The following GDPD3 variants were observed in gnomAD, a reference collection of about 807,000 sequenced individuals.
The protein encoded by GDPD3 is glycerophosphodiester phosphodiesterase domain containing 3, also known as lysophospholipase D GDPD3.
A neutral mutation model predicts 43.7 loss-of-function variants in GDPD3; 40 were observed. That is an observed-to-expected ratio of 0.91 (90% confidence interval 0.71 to 1.19). GDPD3 has a LOEUF of 1.19. Among genes scored for constraint, GDPD3 ranks in the 50% most tolerant of loss-of-function variants. The pLI, the probability that GDPD3 is intolerant of heterozygous loss-of-function variation, is 0.00. For missense variants in GDPD3, 363 were observed against 415.8 expected (o/e 0.87, Z 1.11); for synonymous variants, 145 against 162.9 (o/e 0.89, Z 0.84).
chr16:30,106,768 G>C (rs1204455270), intron 9 of GDPD3, among the ~76,000 whole-genome samples: 1 of 151,952 alleles, frequency 6.6e-6, no homozygotes, highest in Non-Finnish European at 1.5e-5. Context: ...GTGCAGTGGC[G>C]TGATCTCGGC....
intron 9 of GDPD3, among the ~76,000 whole-genome samples, chr16:30,106,016 CAGG>C (rs2072858514): frequency 1.3e-5 from 2 of 151,828 alleles, no homozygotes; most frequent in Admixed American, 1.3e-4. Context: ...AAGGCTGAGG[CAGG>C]AGAATCGCTT....
intron 7 of GDPD3, 163 bp from the exon 8 acceptor site, chr16:30,108,595 G>A: frequency 1.6e-6 from 1 of 643,406 alleles, no homozygotes; most frequent in Non-Finnish European, 2.8e-6. Flanking sequence ...TTCACCCATT[G>A]TTCAGAGAGC....
chr16:30,108,729 C>G (rs1190780462), intron 7 of GDPD3, among the ~76,000 whole-genome samples: 2 of 152,178 alleles, frequency 1.3e-5, no homozygotes, highest in African/African-American at 2.4e-5. Flanking sequence ...TGGGGCTGGG[C>G]CAGGGCCTCG....
At chr16:30,108,110 G>T in intron 9 of GDPD3, 103 bp downstream of exon 9, 1 of 941,620 alleles carries the variant, frequency 1.1e-6, no homozygotes, top group Admixed American at 2.7e-5. Context: ...AAGAAACTGA[G>T]GTGAGGTCAC....
Position 30,112,867 on chromosome 16 carries a change from G to T in GDPD3, c.183-74C>A, listed in dbSNP as rs1018784931. ...GGGGCATGGTGGCTGGGAGGTGGCCGGGAATGTGAGAGCGGAGTTCGTGGC... is the reference window on the plus strand; with the variant it reads ...GGGGCATGGTGGCTGGGAGGTGGCCTGGAATGTGAGAGCGGAGTTCGTGGC... On this transcript the variant is annotated intron_variant, in intron 2 of 9. Transcript: ENST00000406256. This position sits in a 1 kb window ranked among gnomAD's most constrained non-coding sequence, Gnocchi z 5.4. 4 of 1,556,858 alleles carry T rather than the reference G, an allele frequency of 2.6e-6. No individual in the cohort carries two copies. The highest frequency in any genetic ancestry group is 1.7e-5 in the Admixed American group (1 of 59,278).
At position 30,112,776 on chromosome 16, in the gene GDPD3, G is replaced by C. The variant is rs752449266; in HGVS notation, c.200C>G (p.Ser67Trp). ...EAMENSMAQR[S>W]DLLELDCQLT... is the part of the protein sequence containing the mutation. Reference sequence around the variant, plus strand: ...CTGACAGTCGAGCTCCAGGAGGTCCGAGCGCTGGGCCATGGAGCTGTGGGG... The same window carrying C: ...CTGACAGTCGAGCTCCAGGAGGTCCCAGCGCTGGGCCATGGAGCTGTGGGG... Residue 67 changes from serine to tryptophan, a missense_variant, in exon 3 of 10, where the codon TCG becomes TGG. Transcript: ENST00000406256. The surrounding 1 kb of genome is among the most constrained non-coding windows in gnomAD (Gnocchi z 5.4). The C allele has an allele frequency of 2.5e-6, 4 of 1,609,628 alleles. No individual in the cohort carries two copies. The highest frequency in any genetic ancestry group is 1.1e-5 in the South Asian group (1 of 91,074).
At chr16:30,111,763 T>C (rs2072901329) in intron 6 of GDPD3, 1 of 539,674 alleles carries the variant, frequency 1.9e-6, no homozygotes, top group African/African-American at 1.9e-5. Context: ...TAAAACCCCA[T>C]CTCTACTAAA....
intron 9 of GDPD3, chr16:30,107,610 A>G (rs2072869044): frequency 6.6e-6 from 1 of 152,112 alleles, no homozygotes; most frequent in Non-Finnish European, 1.5e-5. Flanking sequence ...ATGATACATC[A>G]TTGTTGTCAT....
In GDPD3 at chr16:30,112,235, AAGG is replaced by A. The variant is rs1567351740; in HGVS notation, c.484-17_484-15del. 1.2e-6 allele frequency: 2 copies of A among 1,613,364 alleles called. No homozygotes were observed. Among genetic ancestry groups the A allele is most frequent in the South Asian group, 1.1e-5 (1 of 91,072 alleles). Reference sequence around the variant, plus strand: ...CAAGCCTGCTATCTGGGAGGAGGAGAAGGAGGTGAAGGGAGAGCCAGGCCTCTC... The same window carrying A: ...CAAGCCTGCTATCTGGGAGGAGGAGAAGGTGAAGGGAGAGCCAGGCCTCTC... On this transcript the variant is annotated splice_polypyrimidine_tract_variant and intron_variant, in intron 5 of 9. Coordinates refer to ENST00000406256, the MANE Select transcript of GDPD3 (RefSeq NM_024307.3). This position sits in a 1 kb window ranked among gnomAD's most constrained non-coding sequence, Gnocchi z 5.4.
chr16:30,112,325 T>C lies in GDPD3; in HGVS notation c.464A>G (p.Asn155Ser), dbSNP rs143388174. ...CACCACCTCACGGATGAGCTCTTCG[T>C]TCTTCCCTTTGATCTCTACGCTCAT... ...TPMSVEIKGKNEELIREIAGL... is the reference protein window; with the variant it reads ...TPMSVEIKGKSEELIREIAGL... Residue 155 changes from asparagine (N) to serine (S), a missense_variant, in exon 5 of 10, where the codon AAC (asparagine) becomes AGC (serine). Transcript: ENST00000406256. This position sits in a 1 kb window ranked among gnomAD's most constrained non-coding sequence, Gnocchi z 5.4. The C allele has an allele frequency of 1.2e-6, 2 of 1,614,072 alleles. No individual in the cohort carries two copies. The highest frequency in any genetic ancestry group is 2.7e-5 in the African/African-American group (2 of 74,946).
rs374537977 is a variant in GDPD3, at chr16:30,111,473, G to A, written c.622C>T (p.Leu208=). The A allele has an allele frequency of 8.1e-6, 13 of 1,613,904 alleles. No individual in the cohort carries two copies. Among genetic ancestry groups the A allele is most frequent in the South Asian group, 5.5e-5 (5 of 91,082 alleles). ...SFTISRGFWV[L]LSYYLGLLPF... ...AGCAGCCCCAGGTAGTAGGAAAGCAGCACCCAGAATCCTCGGCTTATTGTG... is the reference window on the plus strand; with the variant it reads ...AGCAGCCCCAGGTAGTAGGAAAGCAACACCCAGAATCCTCGGCTTATTGTG... Residue 208 remains leucine (L), a synonymous_variant, in exon 7 of 10, where the codon CTG becomes TTG. Transcript: ENST00000406256.
At position 30,112,895 on chromosome 16, in the gene GDPD3, G is replaced by T; in HGVS notation, c.183-102C>A. 1 of 1,502,202 alleles carries T rather than the reference G, an allele frequency of 6.7e-7. No individual in the cohort carries two copies. Among genetic ancestry groups the T allele is most frequent in the Non-Finnish European group, 9.2e-7 (1 of 1,086,508 alleles). 93.1% of individuals were successfully genotyped at this position (1,502,202 alleles called of 1,614,324 possible). A position where few individuals can be genotyped will look rare whatever the true frequency, so the allele number is the denominator to read the frequency against. On this transcript the variant is annotated intron_variant, in intron 2 of 9. Coordinates refer to ENST00000406256, the MANE Select transcript of GDPD3 (RefSeq NM_024307.3). The surrounding 1 kb of genome is among the most constrained non-coding windows in gnomAD (Gnocchi z 5.4). ...AATGTGAGAGCGGAGTTCGTGGCGG[G>T]ATGTGCAGGCCACCTCCAGGGGGCG...
chr16:30,109,188 C>T lies in GDPD3; in HGVS notation c.708-756G>A, dbSNP rs542229387. Among the ~76,000 whole-genome samples, 19 of 152,294 alleles carry T rather than the reference C, an allele frequency of 1.2e-4. No homozygotes were observed. The East Asian group carries it at 3.3e-3, about 26-fold the overall frequency. ...TGTTGCCCAGGCTGGTCTTGAACTC[C>T]TGGACTCAAGCAATCCTCCCGCTTC... On this transcript the variant is annotated intron_variant, in intron 7 of 9. Transcript: ENST00000406256.
In GDPD3 at chr16:30,112,148, T is replaced by C; in HGVS notation, c.557A>G (p.Lys186Arg). The C allele has an allele frequency of 1.9e-6, 3 of 1,613,880 alleles. No homozygotes were observed. Among genetic ancestry groups the C allele is most frequent in the Non-Finnish European group, 2.5e-6 (3 of 1,179,900 alleles). Reference sequence around the variant, plus strand: ...GGGACTCACGGCAGCCTTGCATTTCTTCATGACCGAGCTCTTCTCCGAGGC... The same window carrying C: ...GGGACTCACGGCAGCCTTGCATTTCCTCATGACCGAGCTCTTCTCCGAGGC... Reference protein sequence around the residue: ...IWASEKSSVMKKCKAANPEMP... With the variant: ...IWASEKSSVMRKCKAANPEMP... The change falls in exon 6 of 10, where the codon AAG becomes AGG. Residue 186 changes from lysine (K) to arginine (R), a missense_variant. Physicochemically the swap from Lys to Arg is conservative, Grantham distance 26 (BLOSUM62 2). Transcript: ENST00000406256. The surrounding 1 kb of genome is among the most constrained non-coding windows in gnomAD (Gnocchi z 5.4).
rs373080967 is a variant in GDPD3, at chr16:30,112,267, C to T, written c.483+39G>A. The T allele has an allele frequency of 8.2e-5, 132 of 1,612,676 alleles. No individual in the cohort carries two copies. Among genetic ancestry groups the T allele is most frequent in the African/African-American group, 2.9e-4 (22 of 74,910 alleles). The stretch of plus-strand genomic sequence containing the variant: ...TGAAGGGAGAGCCAGGCCTCTCTCA[C>T]GCCCCCGGTGGCCGCCCTAGCCCTG... On this transcript the variant is annotated intron_variant, in intron 5 of 9. Transcript: ENST00000406256. The surrounding 1 kb of genome is among the most constrained non-coding windows in gnomAD (Gnocchi z 5.4).
chr16:30,113,450 G>T lies in GDPD3; in HGVS notation c.29C>A (p.Pro10His). 6.2e-7 allele frequency: 1 copy of T among 1,607,352 alleles called. No individual in the cohort carries two copies. The highest frequency in any genetic ancestry group is 8.5e-7 in the Non-Finnish European group (1 of 1,176,182). The change falls in exon 1 of 10, where the codon CCT (proline) becomes CAT (histidine). Residue 10 changes from proline (P) to histidine (H), a missense_variant. Coordinates refer to ENST00000406256, the MANE Select transcript of GDPD3 (RefSeq NM_024307.3). This position sits in a 1 kb window ranked among gnomAD's most constrained non-coding sequence, Gnocchi z 5.9. MSLLLYYAL[P>H]ALGSYAMLSI... ...GAGCATGGCATAGCTGCCCAGGGCAGGGAGGGCATAGTACAGCAAAAGGCT... is the reference window on the plus strand; with the variant it reads ...GAGCATGGCATAGCTGCCCAGGGCATGGAGGGCATAGTACAGCAAAAGGCT...
In GDPD3 at chr16:30,112,411, G is replaced by A. The variant is rs370168697; in HGVS notation, c.378C>T (p.His126=). Reference sequence around the variant, plus strand: ...GACGAACCATGCGCCGGTCTGACCCGTGAGCAAAGTGGCCTGGGGGTGGTG... The same window carrying A: ...GACGAACCATGCGCCGGTCTGACCCATGAGCAAAGTGGCCTGGGGGTGGTG... ...EVYFSPGHFA[H]GSDRRMVRLE... is the part of the protein sequence containing the mutation. Residue 126 remains histidine (H), a synonymous_variant, in exon 5 of 10, where the codon CAC becomes CAT. Transcript: ENST00000406256. The surrounding 1 kb of genome is among the most constrained non-coding windows in gnomAD (Gnocchi z 5.4). 20 of 1,614,090 alleles carry A rather than the reference G, an allele frequency of 1.2e-5. No homozygotes were observed. Among genetic ancestry groups the A allele is most frequent in the Middle Eastern group, 1.6e-4 (1 of 6,084 alleles).
At position 30,112,681 on chromosome 16, in the gene GDPD3, C is replaced by T. The variant is rs1177036140; in HGVS notation, c.295G>A (p.Asp99Asn). ...NLCRQSGLNR[D>N]VGSLDFEDLP... ...ACCTCGAAGTCCAGGCTGCCCACATCCCTGTTTAGGCCCGACTGGCGGCAC... is the reference window on the plus strand; with the variant it reads ...ACCTCGAAGTCCAGGCTGCCCACATTCCTGTTTAGGCCCGACTGGCGGCAC... The change falls in exon 3 of 10, where the codon GAT (aspartate) becomes AAT (asparagine). Residue 99 changes from aspartate (D) to asparagine (N), a missense_variant. Coordinates refer to ENST00000406256, the MANE Select transcript of GDPD3 (RefSeq NM_024307.3). This position sits in a 1 kb window ranked among gnomAD's most constrained non-coding sequence, Gnocchi z 5.4. 1 of 1,614,048 alleles carries T rather than the reference C, an allele frequency of 6.2e-7. No individual in the cohort carries two copies. The highest frequency in any genetic ancestry group is 8.5e-7 in the Non-Finnish European group (1 of 1,179,998).
chr16:30,107,479 C>A (rs2072868301), intron 9 of GDPD3, among the ~76,000 whole-genome samples: 1 of 152,084 alleles, frequency 6.6e-6, no homozygotes, highest in African/African-American at 2.4e-5. Flanking sequence ...CTGGAACATT[C>A]TCAAGGATCG....
Sources: gnomAD v4.1 joint callset for allele counts (sites outside exome capture counted in the v4.1 genomes callset) on GRCh38, gnomAD v4.1.1 for gene constraint, Gnocchi (gnomAD v3.1) non-coding constraint, MANE v1.5 for transcripts, NCBI Gene and HGNC (gene_info 2026-07-23, HGNC 2026-07-21) for gene names.